GOLGA8K: variants seen among roughly 807,000 people sequenced by gnomAD.
GOLGA8K encodes golgin A8 family member K.
GOLGA8K carries 12 observed loss-of-function variants against 75.2 expected under a neutral mutation model. The observed-to-expected ratio is 0.16, with a 90% CI of 0.10 to 0.26. The LOEUF (loss-of-function observed/expected upper bound fraction) is 0.26. Ranked by LOEUF, GOLGA8K falls within the 10% of genes least tolerant of loss-of-function variation. The pLI is 1.00. For synonymous variants in GOLGA8K, 48 were observed against 236.6 expected (o/e 0.20, Z 7.32); for missense variants, 109 against 640.8 (o/e 0.17, Z 8.96).
rs2140283721 is a variant in GOLGA8K, at chr15:32,396,420, C to T, written c.998G>A (p.Ser333Asn). 6.9e-7 allele frequency: 1 copy of T among 1,440,504 alleles called. No homozygotes were observed. The highest frequency in any genetic ancestry group is 2.1e-5 in the Admixed American group (1 of 48,130). The allele number at this position is 1,440,504 out of a possible 1,614,324, so 89.2% of individuals were successfully genotyped here. ...CTCTTCTTGTCGCTGGTTCAGGAGACTTATGCGCTGATTCTTTTTGACCTG... is the reference window on the plus strand; with the variant it reads ...CTCTTCTTGTCGCTGGTTCAGGAGATTTATGCGCTGATTCTTTTTGACCTG... ...QAQVKKNQRI[S>N]LLNQRQEERI... Residue 333 changes from serine to asparagine, a missense_variant, in exon 12 of 19, where the codon AGT becomes AAT. By Grantham distance (46) the Ser-to-Asn change is conservative. Coordinates refer to ENST00000512626, the MANE Select transcript of GOLGA8K (RefSeq NM_001282493.2).
At position 32,397,483 on chromosome 15, in the gene GOLGA8K, T is replaced by C. The variant is rs571023575; in HGVS notation, c.612A>G (p.Ala204=). The part of the protein sequence containing the change: ...KANQLSSRSK[A]RTEWKLEQSM... ...ACTGCTCTAACTTCCACTCCGTACG[T>C]GCTTTGCTGCGGCTGGACAACTGGA... The change falls in exon 9 of 19, where the codon GCA becomes GCG. Residue 204 remains alanine (A), a synonymous_variant. Coordinates refer to ENST00000512626, the MANE Select transcript of GOLGA8K (RefSeq NM_001282493.2). 4 of 1,526,520 alleles carry C rather than the reference T, an allele frequency of 2.6e-6. No homozygotes were observed. The South Asian group carries it at 4.5e-5, about 17-fold the overall frequency. 94.6% of individuals were successfully genotyped at this position (1,526,520 alleles called of 1,614,324 possible). A position where few individuals can be genotyped will look rare whatever the true frequency, so the allele number is the denominator to read the frequency against.
intron 13 of GOLGA8K, among the ~76,000 whole-genome samples, 162 bp from the exon 14 acceptor site, chr15:32,394,902 A>G (rs1308462349): frequency 6.9e-6 from 1 of 144,826 alleles, no homozygotes; most frequent in Non-Finnish European, 1.5e-5. Context: ...CTGGTTCATT[A>G]GCTGGGTCTG....
Position 32,395,883 on chromosome 15 carries a change from C to T in GOLGA8K, c.1200+80G>A. 2.6e-6 allele frequency: 4 copies of T among 1,558,822 alleles called. 1 individual carries two copies. The South Asian group carries it at 3.4e-5, about 13-fold the overall frequency. On this transcript the variant is annotated intron_variant, in intron 13 of 18. Transcript: ENST00000512626. ...CCCCCAGGCTGGAAGCTGCCTCTGA[C>T]CTGGCACCTCCCCTCCCAAGAGGCT...
At position 32,395,719 on chromosome 15, in the gene GOLGA8K, C is replaced by CAAGA. The variant is rs1488133085; in HGVS notation, c.1200+243_1200+244insTCTT. ...GGAGCCTGTTATACCACTGTCTCTT[C>CAAGA]CCCTGTGATTGGGGGCTCCATGCCT... is the stretch of plus-strand genomic sequence containing the variant. On this transcript the variant is annotated intron_variant, in intron 13 of 18. Coordinates refer to ENST00000512626, the MANE Select transcript of GOLGA8K (RefSeq NM_001282493.2). Among the ~76,000 whole-genome samples the CAAGA allele has an allele frequency of 3.5e-4, 51 of 147,066 alleles. No homozygotes were observed. The East Asian group carries it at 0.01, about 29-fold the overall frequency.
At chr15:32,401,100 C>G (rs2054683994) in intron 2 of GOLGA8K, among the ~76,000 whole-genome samples, 1 of 139,972 alleles carries the variant, frequency 7.1e-6, no homozygotes, top group South Asian at 2.2e-4. Context: ...GCACACGCCA[C>G]CACGCTTGGC....
intron 8 of GOLGA8K, among the ~76,000 whole-genome samples, chr15:32,397,788 C>T (rs2054646539): frequency 1.3e-5 from 2 of 152,040 alleles, no homozygotes; most frequent in Non-Finnish European, 2.9e-5. Flanking sequence ...GAATGCTTCA[C>T]CAGGTACCGT....
intron 13 of GOLGA8K, among the ~76,000 whole-genome samples, 194 bp from the exon 14 acceptor site, chr15:32,394,934 C>T (rs1295857771): frequency 4.0e-5 from 6 of 149,290 alleles, no homozygotes; most frequent in Non-Finnish European, 9.0e-5. Context: ...GCCTGTACAG[C>T]GCCTCCTTCT....
chr15:32,396,327 A>C lies in GOLGA8K; in HGVS notation c.1091T>G (p.Leu364Arg). The C allele has an allele frequency of 9.2e-7, 1 of 1,083,780 alleles. No individual in the cohort carries two copies. Among genetic ancestry groups the C allele is most frequent in the Non-Finnish European group, 1.3e-6 (1 of 782,390 alleles). 67.1% of individuals were successfully genotyped at this position (1,083,780 alleles called of 1,614,324 possible). A position where few individuals can be genotyped will look rare whatever the true frequency, so the allele number is the denominator to read the frequency against. ...EERIQEQHKS[L>R]QQLAKPQSVF... is the part of the protein sequence containing the mutation. ...GCTCTGTGGCTTGGCCAGCTGCTGA[A>C]GGCTCTTGTGCTGCTCCTGAATCCT... is the stretch of plus-strand genomic sequence containing the variant. Residue 364 changes from leucine (L) to arginine (R), a missense_variant, in exon 12 of 19, where the codon CTT (leucine) becomes CGT (arginine). By Grantham distance (102) the Leu-to-Arg change is moderately radical. Coordinates refer to ENST00000512626, the MANE Select transcript of GOLGA8K (RefSeq NM_001282493.2).
Position 32,394,191 on chromosome 15 carries a change from T to C in GOLGA8K, c.1319A>G (p.Gln440Arg), listed in dbSNP as rs113064986. 0.51 allele frequency: 620,180 copies of C among 1,216,720 alleles called. 213,529 individuals carry two copies. Among genetic ancestry groups the C allele is most frequent in the African/African-American group, 0.66 (31,373 of 47,194 alleles). 75.4% of individuals were successfully genotyped at this position (1,216,720 alleles called of 1,614,324 possible). The change falls in exon 15 of 19, where the codon CAG (glutamine) becomes CGG (arginine). Residue 440 changes from glutamine to arginine, a missense_variant. Transcript: ENST00000512626. ...HLDSEGEEAP[Q>R]PMPSVPEDLE... is the part of the protein sequence containing the mutation. The stretch of plus-strand genomic sequence containing the variant: ...GTCCTCTGGGACACTCGGCATGGGC[T>C]GAGGTGCCTCCTCCCCCTCACTGTC...
intron 8 of GOLGA8K, 67 bp from the exon 9 acceptor site, chr15:32,397,570 C>T: frequency 6.7e-7 from 1 of 1,494,798 alleles, no homozygotes; most frequent in Non-Finnish European, 9.3e-7. Context: ...TGCCCCTTAA[C>T]AGGGCTAGGG....
At chr15:32,394,765 AG>A in intron 13 of GOLGA8K, 25 bp from the exon 14 acceptor site, 1 of 1,520,350 alleles carries the variant, frequency 6.6e-7, no homozygotes. Context: ...CAGAGTGAGA[AG>A]GGGTGGAGTT....
chr15:32,391,374 A>G lies in GOLGA8K; in HGVS notation c.*1408T>C, dbSNP rs2140277499. Among the ~76,000 whole-genome samples, 1 of 120,040 alleles carries G rather than the reference A, an allele frequency of 8.3e-6. No homozygotes were observed. The highest frequency in any genetic ancestry group is 2.7e-5 in the African/African-American group (1 of 37,210). 78.8% of individuals were successfully genotyped at this position (120,040 alleles called of 152,430 possible). ...GTTTCCTGATAATACATTGACATTC[A>G]TGAACAGTAGATTGCACTGCAGTTT... On this transcript the variant is annotated 3_prime_UTR_variant, in exon 19 of 19. Transcript: ENST00000512626.
At position 32,397,293 on chromosome 15, in the gene GOLGA8K, T is replaced by A. The variant is rs1234378879; in HGVS notation, c.696A>T (p.Gln232His). Residue 232 changes from glutamine to histidine, a missense_variant, in exon 10 of 19, where the codon CAA becomes CAT. Physicochemically the swap from Gln to His is conservative, Grantham distance 24 (BLOSUM62 0). Transcript: ENST00000512626. ...VQLTQLKESF[Q>H]QVQLERDEYS... Reference sequence around the variant, plus strand: ...ACTCATCTCTTTCTAATTGGACTTGTTGAAAAGACTCCTTCAACTGCAAGA... The same window carrying A: ...ACTCATCTCTTTCTAATTGGACTTGATGAAAAGACTCCTTCAACTGCAAGA... The A allele has an allele frequency of 6.3e-7, 1 of 1,577,044 alleles. No homozygotes were observed. The highest frequency in any genetic ancestry group is 1.4e-5 in the African/African-American group (1 of 69,598).
chr15:32,397,630 C>A (rs1271488762), intron 8 of GOLGA8K, 127 bp from the exon 9 acceptor site: 86 of 1,307,396 alleles, frequency 6.6e-5, no homozygotes, highest in Non-Finnish European at 8.6e-5. Flanking sequence ...ATTTCCCAGC[C>A]CGTGGTCTGG....
At chr15:32,398,372 G>A (rs2098895) in intron 8 of GOLGA8K, among the ~76,000 whole-genome samples, 188 bp downstream of exon 8, 74 of 144,484 alleles carry the variant, frequency 5.1e-4, no homozygotes, top group African/African-American at 1.5e-3. Context: ...TCCACACAGT[G>A]ACCCCCAACT....
Position 32,395,993 on chromosome 15 carries a change from T to C in GOLGA8K, c.1170A>G (p.Gln390=), listed in dbSNP as rs1374331298. The C allele has an allele frequency of 2.2e-6, 3 of 1,393,988 alleles. No individual in the cohort carries two copies. The highest frequency in any genetic ancestry group is 3.0e-6 in the Non-Finnish European group (3 of 1,016,896). 86.4% of individuals were successfully genotyped at this position (1,393,988 alleles called of 1,614,324 possible). Residue 390 remains glutamine (Q), a synonymous_variant, in exon 13 of 19, where the codon CAA becomes CAG. Transcript: ENST00000512626. ...ENKNALQLEQ[Q]VKELQEKLGE... The stretch of plus-strand genomic sequence containing the variant: ...CAAGCTTCTCCTGTAGCTCCTTTAC[T>C]TGCTGCTCCAACTGCAGTGCGTTCT...
intron 9 of GOLGA8K, 30 bp from the exon 10 acceptor site, chr15:32,397,340 G>C: frequency 6.6e-7 from 1 of 1,514,942 alleles, no homozygotes. Flanking sequence ...ACTTAGGAAG[G>C]GCTGTCACTG....
rs2054532010 is a variant in GOLGA8K at position 32,391,163 on chromosome 15, T to TC, written c.*1618dup. Reference sequence around the variant, plus strand: ...CATGAAGTTTTAACTGTTGAGTCTTTCCCAAGCATCATCAAGTTACGATTT... The same window carrying TC: ...CATGAAGTTTTAACTGTTGAGTCTTTCCCCAAGCATCATCAAGTTACGATTT... On this transcript the variant is annotated 3_prime_UTR_variant, in exon 19 of 19. Transcript: ENST00000512626. Among the ~76,000 whole-genome samples, 1 of 45,208 alleles carries TC rather than the reference T, an allele frequency of 2.2e-5. No individual in the cohort carries two copies. The highest frequency in any genetic ancestry group is 5.8e-5 in the African/African-American group (1 of 17,358). The allele number at this position is 45,208 out of a possible 152,430, so 29.7% of individuals were successfully genotyped here. A position where few individuals can be genotyped will look rare whatever the true frequency, so the allele number is the denominator to read the frequency against.
chr15:32,395,881 G>A (rs970769204), intron 13 of GOLGA8K, 82 bp downstream of exon 13: 1 of 1,559,590 alleles, frequency 6.4e-7, no homozygotes. Flanking sequence ...AGCTGCCTCT[G>A]ACCTGGCACC....
Sources: gnomAD v4.1 joint callset for allele counts (sites outside exome capture counted in the v4.1 genomes callset) on GRCh38, gnomAD v4.1.1 for gene constraint, MANE v1.5 for transcripts, NCBI Gene and HGNC (gene_info 2026-07-23, HGNC 2026-07-21) for gene names.